GPR137C: variants seen among roughly 807,000 people sequenced by gnomAD.
GPR137C encodes the protein integral membrane protein GPR137C.
Under a neutral mutation model 43.4 loss-of-function variants are expected in GPR137C, and 27 were observed. That is an observed-to-expected ratio of 0.62 (90% CI 0.46 to 0.86). The LOEUF (loss-of-function observed/expected upper bound fraction) is 0.86. GPR137C is among the 40% of genes least tolerant of loss of function. The pLI is 0.00. For synonymous variants in GPR137C, 285 were observed against 226.9 expected, an observed-to-expected ratio of 1.26 and a Z score of -2.30; for missense variants, 522 against 534.6, an observed-to-expected ratio of 0.98 and a Z score of 0.23.
intron 1 of GPR137C, among the ~76,000 whole-genome samples, chr14:52,554,453 A>G (rs1035747657): frequency 6.6e-6 from 1 of 152,128 alleles, no homozygotes; most frequent in Admixed American, 6.5e-5. Flanking sequence ...GCGCTTAGGT[A>G]TTTGACCCAT....
At chr14:52,632,400 C>T (rs777067527) in intron 4 of GPR137C, 91 bp downstream of exon 4, 6 of 883,600 alleles carry the variant, frequency 6.8e-6, no homozygotes, top group South Asian at 1.8e-5. Context: ...CTTACAAACA[C>T]ATTTATGGAA....
chr14:52,585,475 T>G (rs1174751915), intron 1 of GPR137C, among the ~76,000 whole-genome samples: 2 of 152,218 alleles, frequency 1.3e-5, no homozygotes, highest in Non-Finnish European at 2.9e-5. Context: ...TTGCTGAATC[T>G]TCAACCACGA....
intron 3 of GPR137C, among the ~76,000 whole-genome samples, chr14:52,624,580 CG>C (rs35488283): frequency 0.46 from 70,185 of 151,428 alleles, 17,186 homozygotes; most frequent in Middle Eastern, 0.57. Flanking sequence ...AAAAATTAGC[CG>C]GGTGTGGTGG....
chr14:52,595,073 A>G (rs1566615167), intron 1 of GPR137C, among the ~76,000 whole-genome samples: 1 of 152,158 alleles, frequency 6.6e-6, no homozygotes, highest in Non-Finnish European at 1.5e-5. Flanking sequence ...TCCTTCGCTT[A>G]TGAAGCTTAG....
chr14:52,614,927 A>C (rs1405155604), intron 3 of GPR137C, among the ~76,000 whole-genome samples: 1 of 152,114 alleles, frequency 6.6e-6, no homozygotes, highest in East Asian at 1.9e-4. Flanking sequence ...CACTTTCTTA[A>C]CTGTTTCCTT....
chr14:52,625,364 C>T (rs993464258), intron 3 of GPR137C, among the ~76,000 whole-genome samples: 3 of 151,006 alleles, frequency 2.0e-5, no homozygotes, highest in Non-Finnish European at 3.0e-5. Context: ...CACCTGTACT[C>T]GCTTCTACTC....
chr14:52,620,697 A>C (rs1181792296), intron 3 of GPR137C, among the ~76,000 whole-genome samples: 1 of 151,996 alleles, frequency 6.6e-6, no homozygotes, highest in Non-Finnish European at 1.5e-5. Context: ...CACTTGGATA[A>C]ATAAATAGGA....
intron 3 of GPR137C, among the ~76,000 whole-genome samples, chr14:52,611,080 T>C (rs936602604): frequency 4.6e-5 from 7 of 152,238 alleles, no homozygotes; most frequent in Admixed American, 2.0e-4. Flanking sequence ...ATCATTAATA[T>C]AAAAGTATAC....
chr14:52,560,346 C>T (rs2038261757), intron 1 of GPR137C, among the ~76,000 whole-genome samples: 1 of 152,068 alleles, frequency 6.6e-6, no homozygotes, highest in Non-Finnish European at 1.5e-5. Context: ...CTTAATTTGA[C>T]CTATAAATTC....
intron 1 of GPR137C, among the ~76,000 whole-genome samples, chr14:52,569,052 G>A (rs1019776969): frequency 3.0e-4 from 45 of 152,142 alleles, no homozygotes; most frequent in Admixed American, 2.6e-3. Context: ...GGAGAGCTCC[G>A]GCTGGCATCT....
intron 1 of GPR137C, among the ~76,000 whole-genome samples, chr14:52,592,217 G>T (rs946566609): frequency 2.6e-5 from 4 of 152,106 alleles, no homozygotes; most frequent in African/African-American, 9.7e-5. Context: ...ATGCTGTTTT[G>T]GTTACTGTAG....
At chr14:52,557,954 C>A (rs2038219579) in intron 1 of GPR137C, among the ~76,000 whole-genome samples, 2 of 152,180 alleles carry the variant, frequency 1.3e-5, no homozygotes, top group Admixed American at 1.3e-4. Context: ...CAAACTCTTT[C>A]TTCACCTTTC....
chr14:52,631,686 G>A (rs1260498483), intron 3 of GPR137C, among the ~76,000 whole-genome samples: 1 of 152,052 alleles, frequency 6.6e-6, no homozygotes, highest in Non-Finnish European at 1.5e-5. Flanking sequence ...AGCATCAATA[G>A]GGGACTAACA....
At chr14:52,633,757 T>C in intron 5 of GPR137C, 71 bp from the exon 6 acceptor site, 1 of 1,521,052 alleles carries the variant, frequency 6.6e-7, no homozygotes, top group Non-Finnish European at 9.0e-7. Context: ...CTAAAAATTA[T>C]TATAGATTCT....
intron 1 of GPR137C, among the ~76,000 whole-genome samples, chr14:52,566,892 A>G (rs1321236865): frequency 6.6e-6 from 1 of 152,156 alleles, no homozygotes; most frequent in African/African-American, 2.4e-5. Context: ...CGGGTGGATC[A>G]TCTGAGGTCA....
intron 1 of GPR137C, among the ~76,000 whole-genome samples, chr14:52,578,744 GA>G (rs1334814991): frequency 2.0e-5 from 3 of 152,072 alleles, no homozygotes; most frequent in African/African-American, 2.4e-5. Flanking sequence ...AGGAGTTCGA[GA>G]CCAGCCTGGC....
At chr14:52,568,408 A>T (rs1468624351) in intron 1 of GPR137C, among the ~76,000 whole-genome samples, 1 of 152,004 alleles carries the variant, frequency 6.6e-6, no homozygotes, top group African/African-American at 2.4e-5. Flanking sequence ...TAACTGCAGG[A>T]GTTTTTTTTT....
intron 1 of GPR137C, among the ~76,000 whole-genome samples, chr14:52,592,425 A>G (rs569802199): frequency 3.3e-5 from 5 of 152,130 alleles, no homozygotes; most frequent in African/African-American, 1.2e-4. Context: ...CTTGGGCAGT[A>G]TGGGCATTTT....
At chr14:52,554,642 T>C (rs947643577) in intron 1 of GPR137C, among the ~76,000 whole-genome samples, 3 of 152,050 alleles carry the variant, frequency 2.0e-5, no homozygotes, top group Non-Finnish European at 2.9e-5. Flanking sequence ...TAGAATAATA[T>C]TGGCCTATGC....
Sources: allele counts gnomAD v4.1 joint callset (sites outside exome capture counted in the v4.1 genomes callset), GRCh38; gene constraint gnomAD v4.1.1; transcripts MANE v1.5; gene names NCBI Gene and HGNC (gene_info 2026-07-23, HGNC 2026-07-21).